Variants in SLC9A5 observed in about 807,000 individuals in gnomAD.
SLC9A5 encodes the protein solute carrier family 9 member A5, also known as sodium/hydrogen exchanger 5.
In SLC9A5, 52 loss-of-function variants were observed where a neutral mutation model predicts 91.7. The ratio of observed to expected loss-of-function variants is 0.57; its 90% CI spans 0.45 to 0.71. The LOEUF (loss-of-function observed/expected upper bound fraction) is 0.71, where lower values mean the gene tolerates loss of function less well. SLC9A5 is among the 30% of genes least tolerant of loss of function. SLC9A5 has a pLI of 0.00. For synonymous variants in SLC9A5, 419 were observed against 474.5 expected (o/e 0.88, Z 1.52); for missense variants, 871 against 1,158.9 (o/e 0.75, Z 3.61).
rs1482560433 is a variant in SLC9A5 at position 67,271,100 on chromosome 16, C to G, written c.2581C>G (p.Gln861Glu). ...CAGTGAGAGCAGCGCTGACCTCCCC[C>G]AGCAGCAGGAGCTGCAGCCCCTCAT... ...SRSESSADLP[Q>E]QQELQPLMGH... The change falls in exon 16 of 16, where the codon CAG becomes GAG. Residue 861 changes from glutamine (Q) to glutamate (E), a missense_variant. Physicochemically the swap from Gln to Glu is conservative, Grantham distance 29. Around this residue, in one of 3 missense-constraint regions of SLC9A5, gnomAD observed 295 missense variants for 326.0 expected, o/e 0.90. Transcript: ENST00000299798. 2.5e-6 allele frequency: 4 copies of G among 1,613,740 alleles called. No homozygotes were observed. The Admixed American group carries it at 6.7e-5, about 27-fold the overall frequency.
intron 15 of SLC9A5, among the ~76,000 whole-genome samples, chr16:67,268,054 C>A (rs1039616704): frequency 2.0e-5 from 3 of 152,066 alleles, no homozygotes; most frequent in Non-Finnish European, 4.4e-5. Context: ...CTCTGTCACC[C>A]AGGCTGGAGT....
chr16:67,270,133 G>A lies in SLC9A5; in HGVS notation c.2219-605G>A, dbSNP rs905757048. The stretch of plus-strand genomic sequence containing the variant: ...GACCAGTGCTGCAGTAGGGTGAGGG[G>A]ACTGGAGATGGGGCTTCCTGCCTGG... On this transcript the variant is annotated intron_variant, in intron 15 of 15. Coordinates refer to ENST00000299798, the MANE Select transcript of SLC9A5 (RefSeq NM_004594.3). The surrounding 1 kb of genome is among the most constrained non-coding windows in gnomAD (Gnocchi z 4.3). Among the ~76,000 whole-genome samples, 2 of 152,146 alleles carry A rather than the reference G, an allele frequency of 1.3e-5. No individual in the cohort carries two copies. Among genetic ancestry groups the A allele is most frequent in the African/African-American group, 2.4e-5 (1 of 41,422 alleles).
chr16:67,256,129 C>T lies in SLC9A5; in HGVS notation c.911+199C>T, dbSNP rs1226388984. Among the ~76,000 whole-genome samples the T allele has an allele frequency of 3.3e-5, 5 of 152,194 alleles. No individual in the cohort carries two copies. Among genetic ancestry groups the T allele is most frequent in the Non-Finnish European group, 5.9e-5 (4 of 68,018 alleles). ...GCTGCCCCCAGAGCTGTCCTCAGCA[C>T]CCTGAAACCCTCTGGGTGTAGGCTG... On this transcript the variant is annotated intron_variant, in intron 5 of 15. Transcript: ENST00000299798. This position sits in a 1 kb window ranked among gnomAD's most constrained non-coding sequence, Gnocchi z 4.1.
chr16:67,251,066 T>C (rs2035097849), intron 1 of SLC9A5, among the ~76,000 whole-genome samples: 1 of 152,240 alleles, frequency 6.6e-6, no homozygotes, highest in Non-Finnish European at 1.5e-5. Flanking sequence ...CTTTATATCA[T>C]TTTATCCTCA....
Position 67,258,514 on chromosome 16 carries a change from G to C in SLC9A5, c.1626+67G>C. 6.3e-7 allele frequency: 1 copy of C among 1,589,148 alleles called. No individual in the cohort carries two copies. The highest frequency in any genetic ancestry group is 8.6e-7 in the Non-Finnish European group (1 of 1,159,482). On this transcript the variant is annotated intron_variant, in intron 10 of 15. Coordinates refer to ENST00000299798, the MANE Select transcript of SLC9A5 (RefSeq NM_004594.3). This position sits in a 1 kb window ranked among gnomAD's most constrained non-coding sequence, Gnocchi z 4.5. ...GATGGTCAGCAGAGCAGGACAGAAA[G>C]GGGTGGCAAGCAGGCTGGCCCTGAG...
Position 67,258,487 on chromosome 16 carries a change from C to T in SLC9A5, c.1626+40C>T. 1 of 1,612,718 alleles carries T rather than the reference C, an allele frequency of 6.2e-7. No individual in the cohort carries two copies. The highest frequency in any genetic ancestry group is 8.5e-7 in the Non-Finnish European group (1 of 1,179,308). ...TCCAGGTGGGCCAGTGGTGGGTGGG[C>T]AGATGGTCAGCAGAGCAGGACAGAA... On this transcript the variant is annotated intron_variant, in intron 10 of 15. Coordinates refer to ENST00000299798, the MANE Select transcript of SLC9A5 (RefSeq NM_004594.3). This position sits in a 1 kb window ranked among gnomAD's most constrained non-coding sequence, Gnocchi z 4.5.
chr16:67,264,454 A>G lies in SLC9A5; in HGVS notation c.1945A>G (p.Lys649Glu). Residue 649 changes from lysine to glutamate, a missense_variant, in exon 13 of 16, where the codon AAG becomes GAG. Transcript: ENST00000299798. ...QNMKRRLESF[K>E]STKHNICFTK... ...CATGAAGCGGCGGCTGGAGTCCTTT[A>G]AGTCCACCAAGCACAACATCTGCTT... 6.2e-7 allele frequency: 1 copy of G among 1,614,152 alleles called. No homozygotes were observed. The highest frequency in any genetic ancestry group is 8.5e-7 in the Non-Finnish European group (1 of 1,180,004).
Position 67,252,743 on chromosome 16 carries a change from A to G in SLC9A5, c.389A>G (p.Asp130Gly). ...GYFMPSRLFF[D>G]NLGAILTYAV... The stretch of plus-strand genomic sequence containing the variant: ...TTCATGCCTAGCAGGCTGTTCTTTG[A>G]CAACTTGGGTGCCATCCTCACCTAT... Residue 130 changes from aspartate to glycine, a missense_variant, in exon 2 of 16, where the codon GAC becomes GGC. By Grantham distance (94) the Asp-to-Gly change is moderately conservative. Around this residue, in one of 3 missense-constraint regions of SLC9A5, gnomAD observed 454 missense variants for 718.3 expected, o/e 0.63. Transcript: ENST00000299798. This position sits in a 1 kb window ranked among gnomAD's most constrained non-coding sequence, Gnocchi z 4.0. 1 of 1,614,112 alleles carries G rather than the reference A, an allele frequency of 6.2e-7. No homozygotes were observed. Among genetic ancestry groups the G allele is most frequent in the Non-Finnish European group, 8.5e-7 (1 of 1,180,014 alleles).
rs1810291369 is a variant in SLC9A5 at position 67,257,774 on chromosome 16, G to C, written c.1496+173G>C. Among the ~76,000 whole-genome samples the C allele has an allele frequency of 6.6e-6, 1 of 152,242 alleles. No homozygotes were observed. Among genetic ancestry groups the C allele is most frequent in the Non-Finnish European group, 1.5e-5 (1 of 68,040 alleles). ...TCTCAGGTTAAGACAAGGCTCCCCA[G>C]TGTGGCCTGCTTGGCCCTGCATGGT... On this transcript the variant is annotated intron_variant, in intron 9 of 15. Coordinates refer to ENST00000299798, the MANE Select transcript of SLC9A5 (RefSeq NM_004594.3). This position sits in a 1 kb window ranked among gnomAD's most constrained non-coding sequence, Gnocchi z 5.1.
chr16:67,267,317 C>T (rs2035755030), intron 15 of SLC9A5, among the ~76,000 whole-genome samples: 1 of 151,890 alleles, frequency 6.6e-6, no homozygotes, highest in African/African-American at 2.4e-5. Context: ...AACTCCTGAC[C>T]TCAGGTGATC....
Position 67,252,565 on chromosome 16 carries a change from A to G in SLC9A5, c.211A>G (p.Thr71Ala). The G allele has an allele frequency of 1.2e-6, 2 of 1,613,236 alleles. No individual in the cohort carries two copies. The highest frequency in any genetic ancestry group is 8.5e-7 in the Non-Finnish European group (1 of 1,179,584). The change falls in exon 2 of 16, where the codon ACA (threonine) becomes GCA (alanine). Residue 71 changes from threonine (T) to alanine (A), a missense_variant. Thr to Ala is a moderately conservative substitution (Grantham distance 58, BLOSUM62 0). Transcript: ENST00000299798. The surrounding 1 kb of genome is among the most constrained non-coding windows in gnomAD (Gnocchi z 4.0). ...KIVFHLSRKV[T>A]SLVPESCLLI... ...AGTGTTTCACCTGTCTCGGAAAGTAACATCTCTGGTCCCTGAGAGCTGCCT... is the reference window on the plus strand; with the variant it reads ...AGTGTTTCACCTGTCTCGGAAAGTAGCATCTCTGGTCCCTGAGAGCTGCCT...
chr16:67,257,123 C>T lies in SLC9A5; in HGVS notation c.1335+10C>T. The T allele has an allele frequency of 2.5e-6, 4 of 1,603,800 alleles. No individual in the cohort carries two copies. Among genetic ancestry groups the T allele is most frequent in the Non-Finnish European group, 3.4e-6 (4 of 1,177,056 alleles). ...CACAGTCATCGTGCAGGTGGGAGTG[C>T]CCACAAGGCTGGGTAGGGAGAGGGT... On this transcript the variant is annotated intron_variant, in intron 7 of 15. Coordinates refer to ENST00000299798, the MANE Select transcript of SLC9A5 (RefSeq NM_004594.3). The surrounding 1 kb of genome is among the most constrained non-coding windows in gnomAD (Gnocchi z 5.1).
intron 12 of SLC9A5, chr16:67,261,708 C>T (rs1052793722): frequency 6.6e-6 from 1 of 152,200 alleles, no homozygotes; most frequent in Admixed American, 6.5e-5. Flanking sequence ...ATCTCCCTTG[C>T]TATTTATTTA....
Position 67,249,108 on chromosome 16 carries a change from C to G in SLC9A5, c.94C>G (p.Pro32Ala). The change falls in exon 1 of 16, where the codon CCA becomes GCA. Residue 32 changes from proline to alanine, a missense_variant. Pro to Ala is a conservative substitution (Grantham distance 27). Coordinates refer to ENST00000299798, the MANE Select transcript of SLC9A5 (RefSeq NM_004594.3). ...GCCAGAGTCCCCGGGCGAGCCTCCC[C>G]CAGGCTTAGAGCTCTTCCGCTGGCA... Reference protein sequence around the residue: ...QKPESPGEPPPGLELFRWQWH... With the variant: ...QKPESPGEPPAGLELFRWQWH... The G allele has an allele frequency of 6.5e-7, 1 of 1,548,894 alleles. No homozygotes were observed. Among genetic ancestry groups the G allele is most frequent in the Non-Finnish European group, 8.7e-7 (1 of 1,154,000 alleles).
At chr16:67,251,951 G>T (rs534317498) in intron 1 of SLC9A5, among the ~76,000 whole-genome samples, 147 of 152,262 alleles carry the variant, frequency 9.7e-4, no homozygotes, top group Middle Eastern at 3.4e-3. Flanking sequence ...ATGGATAAGG[G>T]TTGTCAGAGA....
intron 14 of SLC9A5, 27 bp from the exon 15 acceptor site, chr16:67,266,061 C>T: frequency 1.2e-6 from 2 of 1,608,118 alleles, no homozygotes; most frequent in Non-Finnish European, 1.7e-6. Flanking sequence ...GCCCAGGATG[C>T]CTGACTCTGC....
chr16:67,268,691 TATATATATATATATA>T (rs1165502515), intron 15 of SLC9A5, among the ~76,000 whole-genome samples: 12 of 80,820 alleles, frequency 1.5e-4, no homozygotes, highest in African/African-American at 8.6e-4. Flanking sequence ...TATATATATA[TATATATATATATATA>T]TATATTTTTA....
At position 67,270,973 on chromosome 16, in the gene SLC9A5, T is replaced by A. The variant is rs760310759; in HGVS notation, c.2454T>A (p.His818Gln). 5 of 1,614,052 alleles carry A rather than the reference T, an allele frequency of 3.1e-6. No homozygotes were observed. In the South Asian group the frequency reaches 5.5e-5, roughly 18 times the overall value. Reference sequence around the variant, plus strand: ...CAATTCTGACCTGCCTGCCTCCCCATCCACGGGGCACTGAAGAGCCCCAGG... The same window carrying A: ...CAATTCTGACCTGCCTGCCTCCCCAACCACGGGGCACTGAAGAGCCCCAGG... ...QAPILTCLPP[H>Q]PRGTEEPQVP... The change falls in exon 16 of 16, where the codon CAT (histidine) becomes CAA (glutamine). Residue 818 changes from histidine to glutamine, a missense_variant. Transcript: ENST00000299798. This position sits in a 1 kb window ranked among gnomAD's most constrained non-coding sequence, Gnocchi z 4.3.
rs980874306 is a variant in SLC9A5, at chr16:67,267,081, G to GTTTT, written c.2218+876_2218+879dup. On this transcript the variant is annotated intron_variant, in intron 15 of 15. Transcript: ENST00000299798. The stretch of plus-strand genomic sequence containing the variant: ...GTGTGCACTAGCACACCCAGCTGTT[G>GTTTT]TTTTTTTTTTTTTTTTTTTTTTTGC... Among the ~76,000 whole-genome samples the GTTTT allele has an allele frequency of 5.5e-3, 264 of 47,578 alleles. 3 individuals are homozygous for GTTTT. The highest frequency in any genetic ancestry group is 7.5e-3 in the African/African-American group (83 of 11,078). 31.2% of individuals were successfully genotyped at this position (47,578 alleles called of 152,430 possible).
Sources: gnomAD v4.1 joint callset for allele counts (sites outside exome capture counted in the v4.1 genomes callset) on GRCh38, gnomAD v4.1.1 for gene constraint, gnomAD v4.1.1 regional missense constraint, Gnocchi (gnomAD v3.1) non-coding constraint, MANE v1.5 for transcripts, NCBI Gene and HGNC (gene_info 2026-07-23, HGNC 2026-07-21) for gene names.